AGAP1: variants seen among roughly 807,000 people sequenced by gnomAD.
AGAP1 encodes the protein ArfGAP with GTPase domain, ankyrin repeat and PH domain 1.
In AGAP1, 29 loss-of-function variants were observed where a neutral mutation model predicts 105.3. The ratio of observed to expected loss-of-function variants is 0.28; its 90% confidence interval spans 0.21 to 0.38. The LOEUF (loss-of-function observed/expected upper bound fraction) is 0.38. Among genes scored for constraint, AGAP1 ranks in the 10% least tolerant of loss-of-function variants. The pLI, the probability that AGAP1 is intolerant of heterozygous loss-of-function variation, is 1.00. For synonymous variants in AGAP1, 509 were observed against 485.9 expected (o/e 1.05, Z -0.63); for missense variants, 998 against 1,165.1 (o/e 0.86, Z 2.09).
rs1575734339 is a variant in AGAP1 at position 235,900,708 on chromosome 2, C to T, written c.1156-8030C>T. Among the ~76,000 whole-genome samples the T allele has an allele frequency of 6.6e-6, 1 of 152,170 alleles. No homozygotes were observed. Among genetic ancestry groups the T allele is most frequent in the East Asian group, 1.9e-4 (1 of 5,186 alleles). On this transcript the variant is annotated intron_variant, in intron 10 of 17. Coordinates refer to ENST00000304032, the MANE Select transcript of AGAP1 (RefSeq NM_001037131.3). The surrounding 1 kb of genome is among the most constrained non-coding windows in gnomAD (Gnocchi z 5.5). ...TTCCACCATTCTATTAATCCAGCTG[C>T]TTCAGGATGATGGGGAACATGGTAA...
At chr2:235,800,187 G>T (rs951902521) in intron 8 of AGAP1, among the ~76,000 whole-genome samples, 1 of 150,604 alleles carries the variant, frequency 6.6e-6, no homozygotes, top group Non-Finnish European at 1.5e-5. Flanking sequence ...GCTCACTGCA[G>T]CCTCAACCTC....
Position 235,872,091 on chromosome 2 carries a change from G to A in AGAP1, c.1051-11254G>A, listed in dbSNP as rs2049475607. ...ATGCAGTTGTGAATACTGAGAGATT[G>A]GTATTCATACTCTTTGGAACCCAGT... is the stretch of plus-strand genomic sequence containing the variant. On this transcript the variant is annotated intron_variant, in intron 9 of 17. Coordinates refer to ENST00000304032, the MANE Select transcript of AGAP1 (RefSeq NM_001037131.3). The surrounding 1 kb of genome is among the most constrained non-coding windows in gnomAD (Gnocchi z 4.5). Among the ~76,000 whole-genome samples the A allele has an allele frequency of 6.6e-6, 1 of 152,026 alleles. No individual in the cohort carries two copies. Among genetic ancestry groups the A allele is most frequent in the African/African-American group, 2.4e-5 (1 of 41,368 alleles).
intron 13 of AGAP1, among the ~76,000 whole-genome samples, chr2:235,974,065 G>A (rs114715296): frequency 6.6e-6 from 1 of 152,190 alleles, no homozygotes; most frequent in African/African-American, 2.4e-5. Flanking sequence ...CCCCGAACCT[G>A]GTGGTTCTCG....
At chr2:236,099,007 G>A (rs1310734797) in intron 16 of AGAP1, among the ~76,000 whole-genome samples, 1 of 151,990 alleles carries the variant, frequency 6.6e-6, no homozygotes, top group African/African-American at 2.4e-5. Context: ...AGAGGAAGGA[G>A]GCTAGTCCTA....
At chr2:235,507,498 A>G (rs891079378) in intron 1 of AGAP1, 4 of 152,192 alleles carry the variant, frequency 2.6e-5, no homozygotes, top group East Asian at 1.9e-4. Flanking sequence ...AGAAATTTCT[A>G]TGGAACATTT....
Position 235,801,715 on chromosome 2 carries a change from G to A in AGAP1, c.957+2193G>A, listed in dbSNP as rs73998924. Among the ~76,000 whole-genome samples the A allele has an allele frequency of 0.02, 2,977 of 152,228 alleles. 97 individuals are homozygous for A. The highest frequency in any genetic ancestry group is 0.069 in the African/African-American group (2,845 of 41,526). On this transcript the variant is annotated intron_variant, in intron 8 of 17. Transcript: ENST00000304032. This position sits in a 1 kb window ranked among gnomAD's most constrained non-coding sequence, Gnocchi z 6.0. ...AGAGAAGGTGGGCTGTGGGCAGGCG[G>A]CCTGTGCCCCGGGAGGAGGGGCGGG...
Position 236,091,493 on chromosome 2 carries a change from G to A in AGAP1, c.2115-28699G>A, listed in dbSNP as rs550810564. Among the ~76,000 whole-genome samples, 21 of 152,274 alleles carry A rather than the reference G, an allele frequency of 1.4e-4. No individual in the cohort carries two copies. In the East Asian group the frequency reaches 2.1e-3, roughly 15 times the overall value. ...TCCTAGAGAAAGAAAAACCTAGGCC[G>A]GGCGCGGTGGCTCACTCCTGTAATC... On this transcript the variant is annotated intron_variant, in intron 16 of 17. Transcript: ENST00000304032.
rs1304296046 is a variant in AGAP1, at chr2:236,009,100, A to G, written c.1646-27461A>G. Among the ~76,000 whole-genome samples the G allele has an allele frequency of 6.6e-6, 1 of 152,208 alleles. No homozygotes were observed. The highest frequency in any genetic ancestry group is 6.5e-5 in the Admixed American group (1 of 15,286). On this transcript the variant is annotated intron_variant, in intron 13 of 17. Coordinates refer to ENST00000304032, the MANE Select transcript of AGAP1 (RefSeq NM_001037131.3). This position sits in a 1 kb window ranked among gnomAD's most constrained non-coding sequence, Gnocchi z 4.2. ...GTGAGCTCTCCGCTAGGAAGCGGCC[A>G]TCATGTCAAGCCCCTTCACAGCTAA...
At chr2:235,892,877 A>C (rs1257997284) in intron 10 of AGAP1, among the ~76,000 whole-genome samples, 1 of 152,220 alleles carries the variant, frequency 6.6e-6, no homozygotes, top group African/African-American at 2.4e-5. Flanking sequence ...TGGACTGACA[A>C]ATGTGAAGGC....
At chr2:235,706,537 C>T (rs1334572632) in intron 1 of AGAP1, among the ~76,000 whole-genome samples, 1 of 152,170 alleles carries the variant, frequency 6.6e-6, no homozygotes, top group Non-Finnish European at 1.5e-5. Flanking sequence ...ACATATTTTG[C>T]ACCCCTCACC....
At chr2:236,021,001 A>G (rs1301279897) in intron 13 of AGAP1, among the ~76,000 whole-genome samples, 2 of 151,988 alleles carry the variant, frequency 1.3e-5, no homozygotes, top group African/African-American at 4.8e-5. Context: ...CCCCATCTCT[A>G]CTAAAAATAC....
chr2:235,722,019 G>C (rs909539826), intron 3 of AGAP1, among the ~76,000 whole-genome samples: 1 of 152,214 alleles, frequency 6.6e-6, no homozygotes, highest in Admixed American at 6.5e-5. Context: ...AATGAGGGAA[G>C]GATGTAAATA....
At chr2:235,680,001 A>G (rs1948974742) in intron 1 of AGAP1, among the ~76,000 whole-genome samples, 1 of 152,232 alleles carries the variant, frequency 6.6e-6, no homozygotes, top group Non-Finnish European at 1.5e-5. Context: ...TTTCTAAGTA[A>G]CGTACTACTA....
intron 1 of AGAP1, among the ~76,000 whole-genome samples, chr2:235,495,818 C>T (rs1248151310): frequency 6.6e-6 from 1 of 152,240 alleles, no homozygotes; most frequent in East Asian, 1.9e-4. Flanking sequence ...GGAGTCATAT[C>T]TTAGCCACAG....
At position 235,750,445 on chromosome 2, in the gene AGAP1, G is replaced by T. The variant is rs149931123; in HGVS notation, c.630G>T (p.Thr210=). Residue 210 remains threonine (T), a synonymous_variant, in exon 6 of 18, where the codon ACG becomes ACT. Coordinates refer to ENST00000304032, the MANE Select transcript of AGAP1 (RefSeq NM_001037131.3). The surrounding 1 kb of genome is among the most constrained non-coding windows in gnomAD (Gnocchi z 5.3). ...TGAAACGGTGCACGTACTACGAGAC[G>T]TGTGCTACATACGGGCTGAATGTGG... ...NDLKRCTYYE[T]CATYGLNVER... The T allele has an allele frequency of 5.0e-6, 8 of 1,614,094 alleles. No homozygotes were observed. In the African/African-American group the frequency reaches 1.1e-4, roughly 22 times the overall value.
intron 13 of AGAP1, among the ~76,000 whole-genome samples, chr2:236,013,379 C>G (rs1181142936): frequency 6.6e-6 from 1 of 152,200 alleles, no homozygotes; most frequent in African/African-American, 2.4e-5. Flanking sequence ...GCCGAACCTA[C>G]AACCACAGCC....
intron 1 of AGAP1, among the ~76,000 whole-genome samples, chr2:235,527,476 T>TA (rs1942882940): frequency 2.6e-5 from 4 of 152,150 alleles, no homozygotes; most frequent in African/African-American, 9.7e-5. Flanking sequence ...GTTCAGGTGA[T>TA]CCCCCCACCA....
rs569928308 is a variant in AGAP1 at position 235,704,519 on chromosome 2, G to A, written c.164-4660G>A. 5.9e-5 allele frequency among the ~76,000 whole-genome samples: 9 copies of A among 152,270 alleles called. No individual in the cohort carries two copies. The South Asian group carries it at 1.9e-3, about 32-fold the overall frequency. On this transcript the variant is annotated intron_variant, in intron 1 of 17. Coordinates refer to ENST00000304032, the MANE Select transcript of AGAP1 (RefSeq NM_001037131.3). Reference sequence around the variant, plus strand: ...AAATTACCCAGATGTGGTGGCGGGCGCCTGTAGTCCCAGCTACTCGAGAGG... The same window carrying A: ...AAATTACCCAGATGTGGTGGCGGGCACCTGTAGTCCCAGCTACTCGAGAGG...
chr2:235,746,376 A>ATTTTTTTTTTTTTTTTTT (rs1559427651), intron 5 of AGAP1, among the ~76,000 whole-genome samples: 1 of 44,094 alleles, frequency 2.3e-5, no homozygotes, highest in African/African-American at 9.4e-5. Context: ...ACCTCCCCCA[A>ATTTTTTTTTTTTTTTTTT]CTTTTTTTTT....
Sources: allele counts gnomAD v4.1 joint callset (sites outside exome capture counted in the v4.1 genomes callset), GRCh38; gene constraint gnomAD v4.1.1; non-coding constraint Gnocchi (gnomAD v3.1); transcripts MANE v1.5; gene names NCBI Gene and HGNC (gene_info 2026-07-23, HGNC 2026-07-21).